The following KLHL13 variants were observed in gnomAD, a reference collection of about 807,000 sequenced individuals.
KLHL13 encodes the protein kelch-like protein 13.
In KLHL13, 10 loss-of-function variants were observed where a neutral mutation model predicts 37.1. The observed-to-expected ratio is 0.27, with a 90% CI of 0.17 to 0.46. KLHL13 has a LOEUF of 0.46. Ranked by LOEUF, KLHL13 falls within the 20% of genes least tolerant of loss-of-function variation. The pLI is 1.00. For synonymous variants in KLHL13, 163 were observed against 181.2 expected (o/e 0.90, Z 0.81); for missense variants, 360 against 509.3 (o/e 0.71, Z 2.82).
chrX:118,090,473 C>G (rs886355050), intron 1 of KLHL13, among the ~76,000 whole-genome samples: 38 of 111,593 alleles, frequency 3.4e-4, no homozygotes, highest in Admixed American at 2.8e-3. Context: ...TGAAGGATAT[C>G]AACAGACACT....
intron 1 of KLHL13, among the ~76,000 whole-genome samples, chrX:117,995,869 T>G (rs1201726809): frequency 1.8e-5 from 2 of 111,735 alleles, no homozygotes; most frequent in Admixed American, 1.9e-4. Context: ...GAGTATTCCA[T>G]TATATGTACA....
intron 1 of KLHL13, among the ~76,000 whole-genome samples, chrX:118,026,964 A>G (rs901046408): frequency 3.6e-5 from 4 of 112,014 alleles, no homozygotes; most frequent in African/African-American, 1.3e-4. Context: ...TGGCCTTACC[A>G]GTATGATTCT....
rs763263254 is a variant in KLHL13, at chrX:117,914,222, G to A, written c.571-4126C>T. The A allele has an allele frequency of 2.8e-3, 300 of 106,081 alleles. 1 individual carries two copies. The highest frequency in any genetic ancestry group is 9.5e-3 in the African/African-American group (279 of 29,311). The allele number at this position is 106,081 out of a possible 1,213,427, so 8.7% of individuals were successfully genotyped here. On this transcript the variant is annotated intron_variant, in intron 4 of 6. Coordinates refer to ENST00000262820, the Ensembl canonical transcript of KLHL13. ...GAAATTCCCATTTAGAAAAAAATGG[G>A]TATCTGCTTTTTTTTTTTTTTTTCT...
chrX:117,949,736 T>C (rs1289161003), intron 1 of KLHL13, among the ~76,000 whole-genome samples: 1 of 112,294 alleles, frequency 8.9e-6, no homozygotes, highest in Admixed American at 9.4e-5. Flanking sequence ...TCATTGCAAA[T>C]AGCAGTTCAT....
intron 1 of KLHL13, among the ~76,000 whole-genome samples, chrX:118,086,855 T>C (rs892894139): frequency 1.8e-5 from 2 of 111,661 alleles, no homozygotes; most frequent in East Asian, 2.8e-4. Flanking sequence ...AATATGTAGA[T>C]TGAAATTCTT....
At chrX:118,084,533 G>A (rs914012071) in intron 1 of KLHL13, among the ~76,000 whole-genome samples, 1 of 111,858 alleles carries the variant, frequency 8.9e-6, no homozygotes, top group African/African-American at 3.2e-5. Context: ...GGGCAATGAG[G>A]ATACATTTAT....
At chrX:117,902,036 C>A in intron 5 of KLHL13, 90 bp from the exon 7 acceptor site, 1 of 480,561 alleles carries the variant, frequency 2.1e-6, no homozygotes, top group Admixed American at 3.2e-5. Context: ...TAATAATATC[C>A]AAACACTTGA....
chrX:117,940,345 C>A (rs965866402), intron 2 of KLHL13, among the ~76,000 whole-genome samples: 11 of 111,425 alleles, frequency 9.9e-5, no homozygotes, highest in Non-Finnish European at 2.1e-4. Flanking sequence ...GTTACTGTAG[C>A]CTTGTAGTAT....
At chrX:118,026,947 T>C (rs2054280984) in intron 1 of KLHL13, among the ~76,000 whole-genome samples, 1 of 111,824 alleles carries the variant, frequency 8.9e-6, no homozygotes, top group Non-Finnish European at 1.9e-5. Context: ...TAACATGAAA[T>C]GAAACATGGC....
intron 1 of KLHL13, among the ~76,000 whole-genome samples, chrX:117,989,847 T>G (rs1032672250): frequency 5.4e-5 from 6 of 111,344 alleles, no homozygotes; most frequent in African/African-American, 1.6e-4. Context: ...GGGTTTGCTA[T>G]CCTCCTGTGA....
At chrX:118,047,082 G>C (rs6603361) in intron 1 of KLHL13, among the ~76,000 whole-genome samples, 6,006 of 111,575 alleles carry the variant, frequency 0.054, 407 homozygotes, top group African/African-American at 0.18. Flanking sequence ...GTAAGAGAAG[G>C]GGGGATGATT....
At chrX:117,992,177 T>C (rs2053800480) in intron 1 of KLHL13, among the ~76,000 whole-genome samples, 1 of 106,211 alleles carries the variant, frequency 9.4e-6, no homozygotes, top group African/African-American at 3.5e-5. Flanking sequence ...TCAAGGAAGT[T>C]AGCAGCATGG....
intron 1 of KLHL13, among the ~76,000 whole-genome samples, chrX:117,954,398 A>G (rs1253925540): frequency 1.8e-5 from 2 of 111,682 alleles, no homozygotes; most frequent in African/African-American, 6.5e-5. Flanking sequence ...AGATTGGTAG[A>G]TAGGTAGACG....
chrX:118,112,132 A>C (rs2055418540), intron 1 of KLHL13, among the ~76,000 whole-genome samples: 1 of 112,230 alleles, frequency 8.9e-6, no homozygotes, highest in South Asian at 3.7e-4. Context: ...TATGCTCTAC[A>C]ACCTCTCTCA....
intron 1 of KLHL13, among the ~76,000 whole-genome samples, chrX:117,968,564 T>C (rs752551748): frequency 8.9e-6 from 1 of 111,916 alleles, no homozygotes; most frequent in African/African-American, 3.2e-5. Flanking sequence ...ATAATTTTGT[T>C]AAATTGTGCA....
chrX:117,940,411 T>A (rs774664918), intron 2 of KLHL13, among the ~76,000 whole-genome samples: 50 of 111,903 alleles, frequency 4.5e-4, no homozygotes, highest in African/African-American at 1.5e-3. Context: ...CTTAGGATTG[T>A]CTTGGCTACA....
intron 1 of KLHL13, among the ~76,000 whole-genome samples, chrX:118,032,227 T>G (rs2430215): frequency 0.44 from 48,684 of 110,571 alleles, 10,126 homozygotes; most frequent in African/African-American, 0.83. Context: ...CTTGAACTGG[T>G]TGGAGCCCAC....
At chrX:117,906,650 C>T (rs956844756) in intron 5 of KLHL13, among the ~76,000 whole-genome samples, 2 of 111,068 alleles carry the variant, frequency 1.8e-5, no homozygotes, top group African/African-American at 6.5e-5. Context: ...AAGTCAATCA[C>T]AAAATATTTT....
At chrX:117,993,737 CTT>C (rs754543852) in intron 1 of KLHL13, among the ~76,000 whole-genome samples, 29 of 94,283 alleles carry the variant, frequency 3.1e-4, no homozygotes, top group Admixed American at 2.3e-4. Flanking sequence ...TTATCTGTTG[CTT>C]TTTTTTTTTT....
Sources: allele counts gnomAD v4.1 joint callset (sites outside exome capture counted in the v4.1 genomes callset), GRCh38; gene constraint gnomAD v4.1.1; transcripts MANE v1.5; gene names NCBI Gene and HGNC (gene_info 2026-07-23, HGNC 2026-07-21).